TRIQK: variants seen among roughly 807,000 people sequenced by gnomAD.
TRIQK encodes triple QxxK/R motif containing, also known as triple QxxK/R motif-containing protein.
TRIQK carries 10 observed loss-of-function variants against 10.8 expected under a neutral mutation model. That is an observed-to-expected ratio of 0.92 (90% CI 0.57 to 1.57). TRIQK has a LOEUF of 1.57. Ranked by LOEUF, TRIQK falls within the 40% of genes most tolerant of loss-of-function variation. The pLI is 0.00. For synonymous variants in TRIQK, 33 were observed against 33.7 expected (o/e 0.98, Z 0.07); for missense variants, 107 against 97.7 (o/e 1.09, Z -0.40).
chr8:92,897,118 C>T (rs1586377138), intron 3 of TRIQK, among the ~76,000 whole-genome samples: 1 of 152,100 alleles, frequency 6.6e-6, no homozygotes, highest in East Asian at 1.9e-4. Context: ...TGCCAGGCCC[C>T]AGCATTGTAC....
At chr8:93,009,772 T>C (rs1013652316) in intron 1 of TRIQK, among the ~76,000 whole-genome samples, 1 of 152,138 alleles carries the variant, frequency 6.6e-6, no homozygotes, top group Non-Finnish European at 1.5e-5. Context: ...GCAATACCAC[T>C]GCTGGGTTTA....
intron 1 of TRIQK, among the ~76,000 whole-genome samples, chr8:92,955,964 G>A (rs1812150116): frequency 6.6e-6 from 1 of 151,748 alleles, no homozygotes; most frequent in South Asian, 2.1e-4. Context: ...ATTGCTGGTA[G>A]AAATGTAAAA....
At chr8:92,889,618 A>T (rs1816662016) in intron 4 of TRIQK, among the ~76,000 whole-genome samples, 1 of 151,674 alleles carries the variant, frequency 6.6e-6, no homozygotes, top group Non-Finnish European at 1.5e-5. Context: ...ACTTACTTAC[A>T]CAAACTGGGA....
chr8:92,961,567 T>C (rs1446558996), intron 1 of TRIQK, among the ~76,000 whole-genome samples: 1 of 152,206 alleles, frequency 6.6e-6, no homozygotes, highest in East Asian at 1.9e-4. Flanking sequence ...TATTTCTACC[T>C]ACAGAGCTAA....
upstream of TRIQK, among the ~76,000 whole-genome samples, chr8:92,969,554 G>GTT (rs907902863): frequency 4.9e-4 from 69 of 139,960 alleles, no homozygotes; most frequent in African/African-American, 1.8e-3. Flanking sequence ...TCTTATGACA[G>GTT]TTTTTTTTTT....
At chr8:92,949,561 A>AAGG (rs749176870) in intron 2 of TRIQK, among the ~76,000 whole-genome samples, 13 of 150,050 alleles carry the variant, frequency 8.7e-5, no homozygotes, top group African/African-American at 2.9e-4. Flanking sequence ...GGAAGGAAGG[A>AAGG]AAGGGAAGGA....
intron 1 of TRIQK, among the ~76,000 whole-genome samples, chr8:92,974,926 T>G (rs904116878): frequency 6.6e-6 from 1 of 152,152 alleles, no homozygotes. Context: ...AAGACAGAAA[T>G]AACTAGCTAT....
At position 92,952,493 on chromosome 8, in the gene TRIQK, G is replaced by A. The variant is rs192843619; in HGVS notation, c.-22+1913C>T. Among the ~76,000 whole-genome samples, 188 of 151,074 alleles carry A rather than the reference G, an allele frequency of 1.2e-3. 1 individual carries two copies. The highest frequency in any genetic ancestry group is 6.4e-4 in the Non-Finnish European group (43 of 67,644). On this transcript the variant is annotated intron_variant, in intron 2 of 4. Transcript: ENST00000521988. ...TACAACTCTAAAAGGTATAACATAC[G>A]CATAATGGGAATATCAGAAGATGAA...
Position 92,895,961 on chromosome 8 carries a change from T to C in TRIQK, c.62-3887A>G, listed in dbSNP as rs540136277. Among the ~76,000 whole-genome samples, 3 of 152,100 alleles carry C rather than the reference T, an allele frequency of 2.0e-5. 1 individual carries two copies. In the South Asian group the frequency reaches 6.2e-4, roughly 32 times the overall value. On this transcript the variant is annotated intron_variant, in intron 3 of 4. Transcript: ENST00000521988. Reference sequence around the variant, plus strand: ...TGCTGAGGAGAGAATACTAAAGGTGTGACCAAGCAACCCTTTGCTAAAGAG... The same window carrying C: ...TGCTGAGGAGAGAATACTAAAGGTGCGACCAAGCAACCCTTTGCTAAAGAG...
intron 2 of TRIQK, among the ~76,000 whole-genome samples, chr8:92,946,904 C>T (rs1586476129): frequency 1.3e-5 from 2 of 151,806 alleles, no homozygotes; most frequent in South Asian, 2.1e-4. Context: ...GGACCGCAGG[C>T]GCCTGCCACC....
In TRIQK at chr8:92,884,589, AG is replaced by A; in HGVS notation, c.*2032del. 3.1e-6 allele frequency: 1 copy of A among 318,230 alleles called. No individual in the cohort carries two copies. The highest frequency in any genetic ancestry group is 4.2e-5 in the Admixed American group (1 of 24,078). The allele number at this position is 318,230 out of a possible 1,614,324, so 19.7% of individuals were successfully genotyped here. ...ACATTTTTCCCCAAAAAATACCTCA[AG>A]GGTAAAACAGAATGGTAAAGTTTTT... On this transcript the variant is annotated 3_prime_UTR_variant, in exon 5 of 5. Coordinates refer to ENST00000521988, the MANE Select transcript of TRIQK (RefSeq NM_001171797.2).
intron 1 of TRIQK, among the ~76,000 whole-genome samples, chr8:93,009,469 C>T (rs754894164): frequency 1.3e-5 from 2 of 151,974 alleles, no homozygotes; most frequent in Non-Finnish European, 2.9e-5. Context: ...ATTATCCAGG[C>T]ATAATGGCAG....
intron 1 of TRIQK, among the ~76,000 whole-genome samples, chr8:92,958,626 T>A (rs1812293702): frequency 6.6e-6 from 1 of 151,956 alleles, no homozygotes; most frequent in Non-Finnish European, 1.5e-5. Flanking sequence ...ATTCCTGAGG[T>A]TAACCTTAAC....
upstream of TRIQK, among the ~76,000 whole-genome samples, chr8:92,967,555 T>C (rs1205679248): frequency 2.0e-5 from 3 of 152,074 alleles, no homozygotes; most frequent in Non-Finnish European, 2.9e-5. Flanking sequence ...GGTGTGGTGG[T>C]TCATGCCTGT....
chr8:92,904,828 T>C (rs1308761905), intron 3 of TRIQK, among the ~76,000 whole-genome samples: 1 of 152,128 alleles, frequency 6.6e-6, no homozygotes, highest in Non-Finnish European at 1.5e-5. Flanking sequence ...GATATATACA[T>C]AAAAGAGACA....
At chr8:92,968,643 C>T (rs1042238291), upstream of TRIQK, among the ~76,000 whole-genome samples, 2 of 151,754 alleles carry the variant, frequency 1.3e-5, no homozygotes, top group Admixed American at 6.6e-5. Context: ...CTTTTTGATG[C>T]GGTTGTTTGT....
At chr8:92,981,156 T>C (rs528078528) in intron 1 of TRIQK, among the ~76,000 whole-genome samples, 85 of 151,996 alleles carry the variant, frequency 5.6e-4, no homozygotes, top group African/African-American at 2.0e-3. Flanking sequence ...TGAAGGGAAC[T>C]TAAAGCAGAG....
At position 92,886,416 on chromosome 8, in the gene TRIQK, A is replaced by G. The variant is rs1816480098; in HGVS notation, c.*206T>C. 3.0e-6 allele frequency: 1 copy of G among 333,808 alleles called. No individual in the cohort carries two copies. The highest frequency in any genetic ancestry group is 2.1e-5 in the African/African-American group (1 of 46,542). 20.7% of individuals were successfully genotyped at this position (333,808 alleles called of 1,614,324 possible). On this transcript the variant is annotated 3_prime_UTR_variant, in exon 5 of 5. Transcript: ENST00000521988. ...GGCTGTCAAAGCAGAAAGATATATA[A>G]AAGTATCCAGTAGCACATACTATAC...
rs139625747 is a variant in TRIQK at position 92,901,956 on chromosome 8, G to C, written c.62-9882C>G. 1.4e-3 allele frequency among the ~76,000 whole-genome samples: 217 copies of C among 152,158 alleles called. 1 individual carries two copies. Among genetic ancestry groups the C allele is most frequent in the Middle Eastern group, 0.01 (3 of 294 alleles). ...TGTTCAGGTTTTGGATTTCTTCATG[G>C]TTCAATCTTAGTGAGTTGTATGAGT... On this transcript the variant is annotated intron_variant, in intron 3 of 4. Coordinates refer to ENST00000521988, the MANE Select transcript of TRIQK (RefSeq NM_001171797.2).
Sources: allele counts gnomAD v4.1 joint callset (sites outside exome capture counted in the v4.1 genomes callset), GRCh38; gene constraint gnomAD v4.1.1; transcripts MANE v1.5; gene names NCBI Gene and HGNC (gene_info 2026-07-23, HGNC 2026-07-21).